Variants in AP1AR observed in about 807,000 individuals in gnomAD.
AP1AR encodes the protein adaptor related protein complex 1 associated regulatory protein.
A neutral mutation model predicts 46.3 loss-of-function variants in AP1AR; 29 were observed. That is an observed-to-expected ratio of 0.63 (90% CI 0.47 to 0.85). The LOEUF is 0.85. Among genes scored for constraint, AP1AR ranks in the 40% least tolerant of loss-of-function variants. The pLI, the probability that AP1AR is intolerant of heterozygous loss-of-function variation, is 0.00. For synonymous variants in AP1AR, 122 were observed against 122.9 expected (o/e 0.99, Z 0.05); for missense variants, 357 against 356.3 (o/e 1.00, Z -0.02).
chr4:112,259,021 G>A (rs183444814), intron 4 of AP1AR, among the ~76,000 whole-genome samples: 33 of 152,086 alleles, frequency 2.2e-4, no homozygotes, highest in East Asian at 1.5e-3. Flanking sequence ...TTGACTAGGC[G>A]GACACTAGAA....
chr4:112,249,033 C>T (rs1725839735), intron 1 of AP1AR, among the ~76,000 whole-genome samples: 1 of 152,188 alleles, frequency 6.6e-6, no homozygotes, highest in Admixed American at 6.5e-5. Context: ...TGGCTCACGC[C>T]TGTAATCCCA....
chr4:112,257,208 A>G (rs944589147), intron 3 of AP1AR, among the ~76,000 whole-genome samples: 1 of 152,250 alleles, frequency 6.6e-6, no homozygotes, highest in African/African-American at 2.4e-5. Context: ...ATACTTGTTT[A>G]TAGCATGAGA....
chr4:112,248,279 C>G (rs1578409128), intron 1 of AP1AR, among the ~76,000 whole-genome samples: 2 of 152,226 alleles, frequency 1.3e-5, no homozygotes, highest in African/African-American at 4.8e-5. Context: ...GCCTAACAAG[C>G]AAACATACTC....
Position 112,269,428 on chromosome 4 carries a change from A to T in AP1AR, c.*1019A>T, listed in dbSNP as rs752198212. On this transcript the variant is annotated 3_prime_UTR_variant, in exon 10 of 10. Coordinates refer to ENST00000274000, the MANE Select transcript of AP1AR (RefSeq NM_018569.6). The stretch of plus-strand genomic sequence containing the variant: ...CTATAACTGCATTTTGTGCTAGACA[A>T]TTACTGTTCTTTTCTCTAAAATGTA... 3 of 152,416 alleles carry T rather than the reference A, an allele frequency of 2.0e-5. No individual in the cohort carries two copies. Among genetic ancestry groups the T allele is most frequent in the Non-Finnish European group, 4.4e-5 (3 of 67,904 alleles). 9.4% of individuals were successfully genotyped at this position (152,416 alleles called of 1,614,324 possible).
chr4:112,232,605 C>T (rs1013546197), intron 1 of AP1AR, among the ~76,000 whole-genome samples: 40 of 152,130 alleles, frequency 2.6e-4, no homozygotes, highest in Non-Finnish European at 5.7e-4. Context: ...GATCTGGCTC[C>T]GGAGTTAATG....
intron 7 of AP1AR, 64 bp downstream of exon 7, chr4:112,265,131 T>C: frequency 7.9e-7 from 1 of 1,271,528 alleles, no homozygotes; most frequent in Non-Finnish European, 1.1e-6. Context: ...GTGTAGAGCA[T>C]CATTCACCTC....
intron 5 of AP1AR, 97 bp from the exon 6 acceptor site, chr4:112,262,891 A>G: frequency 3.9e-6 from 3 of 759,622 alleles, no homozygotes; most frequent in Non-Finnish European, 6.6e-6. Context: ...ATTTTTTAAT[A>G]ATTTATTTTT....
chr4:112,247,151 A>G (rs1725759060), intron 1 of AP1AR, among the ~76,000 whole-genome samples: 1 of 152,218 alleles, frequency 6.6e-6, no homozygotes, highest in Non-Finnish European at 1.5e-5. Flanking sequence ...TAAAATCCCT[A>G]GAAACAATAG....
chr4:112,236,419 A>G (rs1386025067), intron 1 of AP1AR, among the ~76,000 whole-genome samples: 2 of 112,036 alleles, frequency 1.8e-5, no homozygotes, highest in Non-Finnish European at 3.6e-5. Context: ...TTTTTCCCCC[A>G]AAAAGGAGTC....
intron 1 of AP1AR, among the ~76,000 whole-genome samples, chr4:112,246,376 C>T (rs1183727381): frequency 2.0e-5 from 3 of 152,118 alleles, no homozygotes; most frequent in Non-Finnish European, 4.4e-5. Context: ...CATGGTGGTG[C>T]ACGCCTGTAG....
At chr4:112,232,473 G>C (rs1311914926) in intron 1 of AP1AR, among the ~76,000 whole-genome samples, 1 of 152,194 alleles carries the variant, frequency 6.6e-6, no homozygotes, top group Admixed American at 6.5e-5. Context: ...GTAGCTTCGC[G>C]CTAATGGGCT....
rs780609456 is a variant in AP1AR at position 112,260,763 on chromosome 4, T to G, written c.186-3T>G. On this transcript the variant is annotated splice_polypyrimidine_tract_variant and splice_region_variant and intron_variant, in intron 4 of 9. Transcript: ENST00000274000. ...TTTTTCTCCTCCTCCTTTTTTTCTC[T>G]AGGCCTCTTACTGAGGAAGAAATTG... 8.3e-6 allele frequency: 13 copies of G among 1,574,530 alleles called. No individual in the cohort carries two copies. In the East Asian group the frequency reaches 2.7e-4, roughly 33 times the overall value.
chr4:112,268,415 A>G lies in AP1AR; in HGVS notation c.*6A>G, dbSNP rs1237954755. Reference sequence around the variant, plus strand: ...CAGATCAACAGACTCGATAGGGTAAAATTGTGTGACCTTGTTTATCAGTTA... The same window carrying G: ...CAGATCAACAGACTCGATAGGGTAAGATTGTGTGACCTTGTTTATCAGTTA... On this transcript the variant is annotated 3_prime_UTR_variant, in exon 10 of 10. Transcript: ENST00000274000. 1 of 1,571,706 alleles carries G rather than the reference A, an allele frequency of 6.4e-7. No homozygotes were observed. The highest frequency in any genetic ancestry group is 1.8e-5 in the Admixed American group (1 of 54,286).
intron 4 of AP1AR, among the ~76,000 whole-genome samples, chr4:112,260,097 A>G (rs141994556): frequency 6.6e-6 from 1 of 152,318 alleles, no homozygotes; most frequent in Admixed American, 6.5e-5. Flanking sequence ...GGTTTTCTCT[A>G]GCAGCCTGAA....
intron 8 of AP1AR, 114 bp downstream of exon 8, chr4:112,265,921 A>G (rs868673587): frequency 1.5e-6 from 1 of 649,302 alleles, no homozygotes. Flanking sequence ...TAATTCCCAG[A>G]TAGGTCAATT....
intron 7 of AP1AR, chr4:112,265,330 G>A (rs2110493442): frequency 2.6e-6 from 1 of 384,272 alleles, no homozygotes; most frequent in South Asian, 6.4e-5. Context: ...AATGCCTTTG[G>A]GTGAGTTGTT....
rs1470669424 is a variant in AP1AR at position 112,269,201 on chromosome 4, AT to A, written c.*794del. Reference sequence around the variant, plus strand: ...TTTTAGGTGCCATTATTTTTAAAAAATTCTATATTTCCAATGAACGATGTTA... The same window carrying A: ...TTTTAGGTGCCATTATTTTTAAAAAATCTATATTTCCAATGAACGATGTTA... On this transcript the variant is annotated 3_prime_UTR_variant, in exon 10 of 10. Coordinates refer to ENST00000274000, the MANE Select transcript of AP1AR (RefSeq NM_018569.6). 1 of 152,050 alleles carries A rather than the reference AT, an allele frequency of 6.6e-6. No individual in the cohort carries two copies. The highest frequency in any genetic ancestry group is 2.4e-5 in the African/African-American group (1 of 41,332). The allele number at this position is 152,050 out of a possible 1,614,324, so 9.4% of individuals were successfully genotyped here.
intron 2 of AP1AR, 62 bp from the exon 3 acceptor site, chr4:112,254,685 T>C: frequency 9.5e-7 from 1 of 1,048,832 alleles, no homozygotes; most frequent in Non-Finnish European, 1.4e-6. Context: ...TAACATAATT[T>C]CTTGTGAGAT....
chr4:112,270,927 G>A lies in AP1AR; in HGVS notation c.*2518G>A, dbSNP rs1229190261. Among the ~76,000 whole-genome samples the A allele has an allele frequency of 6.6e-6, 1 of 152,184 alleles. No individual in the cohort carries two copies. Among genetic ancestry groups the A allele is most frequent in the Non-Finnish European group, 1.5e-5 (1 of 68,038 alleles). ...CTGTGTAGAGAATGGATTGTAAGAA[G>A]GCAAGAGTGGATATATAGCACTCCC... On this transcript the variant is annotated 3_prime_UTR_variant, in exon 10 of 10. Transcript: ENST00000274000.
Sources: allele counts gnomAD v4.1 joint callset (sites outside exome capture counted in the v4.1 genomes callset), GRCh38; gene constraint gnomAD v4.1.1; transcripts MANE v1.5; gene names NCBI Gene and HGNC (gene_info 2026-07-23, HGNC 2026-07-21).